SGCZ: variants seen among roughly 807,000 people sequenced by gnomAD.
SGCZ encodes zeta-sarcoglycan.
A neutral mutation model predicts 41.3 loss-of-function variants in SGCZ; 40 were observed. The ratio of observed to expected loss-of-function variants is 0.97; its 90% CI spans 0.75 to 1.26. The LOEUF is 1.26. Among genes scored for constraint, SGCZ ranks in the 50% most tolerant of loss-of-function variants. SGCZ has a pLI of 0.00. For synonymous variants in SGCZ, 206 were observed against 137.5 expected (o/e 1.50, Z -3.49); for missense variants, 552 against 369.8 (o/e 1.49, Z -4.04).
intron 1 of SGCZ, among the ~76,000 whole-genome samples, chr8:14,625,368 A>G (rs113898554): frequency 0.01 from 1,582 of 152,240 alleles, 30 homozygotes; most frequent in African/African-American, 0.036. Context: ...GTCCTTTTAG[A>G]AGGAAAACAG....
At chr8:14,795,367 T>C (rs180756662) in intron 1 of SGCZ, among the ~76,000 whole-genome samples, 1 of 152,322 alleles carries the variant, frequency 6.6e-6, no homozygotes, top group African/African-American at 2.4e-5. Context: ...ATGTATGACT[T>C]CAATTTCTTC....
chr8:14,310,776 T>C (rs750376047), intron 3 of SGCZ, among the ~76,000 whole-genome samples: 3 of 152,142 alleles, frequency 2.0e-5, no homozygotes, highest in Non-Finnish European at 4.4e-5. Context: ...ATGTCTTCTT[T>C]TGTGGTGTCT....
intron 1 of SGCZ, among the ~76,000 whole-genome samples, chr8:14,981,160 G>T (rs1308727456): frequency 6.6e-6 from 1 of 152,084 alleles, no homozygotes; most frequent in Non-Finnish European, 1.5e-5. Context: ...TCCTCCTAAT[G>T]TGAAACCCTT....
intron 2 of SGCZ, among the ~76,000 whole-genome samples, chr8:14,402,704 G>C (rs1179177657): frequency 6.8e-6 from 1 of 146,658 alleles, no homozygotes; most frequent in African/African-American, 2.7e-5. Flanking sequence ...TTGTAGTATA[G>C]TTTGAAGTCA....
At chr8:14,574,419 C>T (rs955841079) in intron 1 of SGCZ, among the ~76,000 whole-genome samples, 2 of 152,080 alleles carry the variant, frequency 1.3e-5, no homozygotes, top group Admixed American at 6.5e-5. Flanking sequence ...AACTTTCCCC[C>T]AGCTTTCTGT....
intron 1 of SGCZ, among the ~76,000 whole-genome samples, chr8:14,688,565 G>T (rs1808694050): frequency 6.6e-6 from 1 of 152,044 alleles, no homozygotes; most frequent in South Asian, 2.1e-4. Flanking sequence ...TCTCTGTTTT[G>T]GTACCAGTAC....
chr8:15,175,645 T>G (rs924775340), intron 1 of SGCZ, among the ~76,000 whole-genome samples: 2 of 151,490 alleles, frequency 1.3e-5, no homozygotes, highest in African/African-American at 4.9e-5. Flanking sequence ...TGACACACAT[T>G]TACTCATGTA....
chr8:14,171,911 A>C (rs1266838021), intron 4 of SGCZ, among the ~76,000 whole-genome samples: 6 of 152,162 alleles, frequency 3.9e-5, no homozygotes, highest in Non-Finnish European at 8.8e-5. Flanking sequence ...GAACAAGAAT[A>C]AATGTCAAAA....
intron 1 of SGCZ, among the ~76,000 whole-genome samples, chr8:15,149,169 T>C (rs1799112181): frequency 6.6e-6 from 1 of 150,938 alleles, no homozygotes; most frequent in Non-Finnish European, 1.5e-5. Context: ...AAGGAGCCAT[T>C]ATTCTTATTT....
chr8:15,044,983 T>G (rs1238624366), intron 1 of SGCZ, among the ~76,000 whole-genome samples: 1 of 152,144 alleles, frequency 6.6e-6, no homozygotes, highest in Non-Finnish European at 1.5e-5. Flanking sequence ...ATTAAAATCA[T>G]TTTGGTTCAT....
intron 4 of SGCZ, among the ~76,000 whole-genome samples, chr8:14,232,544 G>T (rs180686326): frequency 4.6e-5 from 7 of 151,940 alleles, no homozygotes; most frequent in Non-Finnish European, 1.0e-4. Flanking sequence ...AGAAATTAAA[G>T]ATTATAATTA....
chr8:14,449,379 C>G (rs1165603365), intron 2 of SGCZ, among the ~76,000 whole-genome samples: 4 of 152,138 alleles, frequency 2.6e-5, no homozygotes, highest in Non-Finnish European at 5.9e-5. Context: ...TGGCACATGA[C>G]TTTTCTAGAC....
At chr8:14,881,940 C>T (rs575424884) in intron 1 of SGCZ, among the ~76,000 whole-genome samples, 138 of 152,250 alleles carry the variant, frequency 9.1e-4, no homozygotes, top group South Asian at 8.5e-3. Flanking sequence ...AACCAAAGAA[C>T]TACATGGAAA....
intron 2 of SGCZ, among the ~76,000 whole-genome samples, chr8:14,464,505 T>G (rs1010449714): frequency 4.7e-5 from 7 of 147,742 alleles, no homozygotes; most frequent in African/African-American, 1.5e-4. Context: ...TTTTTTTTAG[T>G]TCATCTAGCT....
At chr8:14,446,867 G>T (rs1425637243) in intron 2 of SGCZ, among the ~76,000 whole-genome samples, 3 of 152,192 alleles carry the variant, frequency 2.0e-5, no homozygotes, top group African/African-American at 7.2e-5. Context: ...TATTTTAAAA[G>T]ATCACGAGGA....
intron 2 of SGCZ, among the ~76,000 whole-genome samples, chr8:14,530,624 T>C (rs961812122): frequency 2.0e-5 from 3 of 152,038 alleles, no homozygotes; most frequent in Non-Finnish European, 4.4e-5. Flanking sequence ...ATTTTAAAAG[T>C]AAAATGAATC....
intron 1 of SGCZ, among the ~76,000 whole-genome samples, chr8:14,912,775 G>A (rs893345448): frequency 6.6e-6 from 1 of 152,006 alleles, no homozygotes; most frequent in African/African-American, 2.4e-5. Context: ...TTCCAGAATT[G>A]ATGAAAAATG....
At chr8:14,645,484 G>GT (rs1554472112) in intron 1 of SGCZ, among the ~76,000 whole-genome samples, 1 of 135,796 alleles carries the variant, frequency 7.4e-6, no homozygotes, top group Non-Finnish European at 1.6e-5. Context: ...ATATTTATAT[G>GT]TATATATATA....
chr8:14,989,220 G>C (rs996002569), intron 1 of SGCZ, among the ~76,000 whole-genome samples: 10 of 152,138 alleles, frequency 6.6e-5, no homozygotes, highest in Admixed American at 5.2e-4. Context: ...TATTCAAAAT[G>C]GTGTCTGAGA....
Sources: gnomAD v4.1 joint callset for allele counts (sites outside exome capture counted in the v4.1 genomes callset) on GRCh38, gnomAD v4.1.1 for gene constraint, MANE v1.5 for transcripts, NCBI Gene and HGNC (gene_info 2026-07-23, HGNC 2026-07-21) for gene names.